The following B4GALT6 variants were observed in gnomAD, a reference collection of about 807,000 sequenced individuals.
B4GALT6 encodes the protein UDP-Gal:beta-GlcNAc beta-1,4-galactosyltransferase 6.
B4GALT6 carries 14 observed loss-of-function variants against 46.3 expected under a neutral mutation model. That is an observed-to-expected ratio of 0.30 (90% CI 0.20 to 0.47). The LOEUF (loss-of-function observed/expected upper bound fraction) is 0.47. Ranked by LOEUF, B4GALT6 falls within the 20% of genes least tolerant of loss-of-function variation. The pLI is 0.99. For synonymous variants in B4GALT6, 168 were observed against 162.0 expected (o/e 1.04, Z -0.28); for missense variants, 386 against 480.1 (o/e 0.80, Z 1.83).
intron 3 of B4GALT6, among the ~76,000 whole-genome samples, chr18:31,647,187 AAAT>A (rs755190994): frequency 1.2e-4 from 18 of 152,380 alleles, no homozygotes; most frequent in Non-Finnish European, 2.6e-4. Context: ...TAATTAGGCT[AAAT>A]AATAAGCAGT....
At chr18:31,630,923 T>TA in intron 6 of B4GALT6, 36 bp downstream of exon 6, 1 of 1,601,754 alleles carries the variant, frequency 6.2e-7, no homozygotes, top group Non-Finnish European at 8.5e-7. Flanking sequence ...TGTGCAATTA[T>TA]ATCGTACAAT....
chr18:31,684,832 C>T (rs2074526816), upstream of B4GALT6: 1 of 934,058 alleles, frequency 1.1e-6, no homozygotes, highest in Non-Finnish European at 1.3e-6. Flanking sequence ...AGAGGGGCAG[C>T]TAACTGCAGC....
intron 1 of B4GALT6, among the ~76,000 whole-genome samples, chr18:31,669,376 C>A (rs1203836463): frequency 6.6e-6 from 1 of 152,192 alleles, no homozygotes; most frequent in Non-Finnish European, 1.5e-5. Flanking sequence ...GCTGCCAGAG[C>A]AAGCACTCCC....
chr18:31,697,165 A>C, the B4GALT6 span, among the ~76,000 whole-genome samples: 21 of 152,250 alleles, frequency 1.4e-4, no homozygotes, highest in African/African-American at 5.1e-4. Flanking sequence ...CCAACTACTC[A>C]GAAGGCTGAG....
intron 5 of B4GALT6, among the ~76,000 whole-genome samples, chr18:31,632,199 G>C (rs2073799795): frequency 6.6e-6 from 1 of 152,100 alleles, no homozygotes; most frequent in Non-Finnish European, 1.5e-5. Flanking sequence ...TGCCTCAAGA[G>C]TGAAAAATTA....
chr18:31,658,043 T>C lies in B4GALT6; in HGVS notation c.279A>G (p.Thr93=). 2 of 1,613,426 alleles carry C rather than the reference T, an allele frequency of 1.2e-6. No individual in the cohort carries two copies. The highest frequency in any genetic ancestry group is 1.7e-6 in the Non-Finnish European group (2 of 1,179,836). Residue 93 remains threonine, a synonymous_variant, in exon 3 of 9, where the codon ACA becomes ACG. Coordinates refer to ENST00000306851, the MANE Select transcript of B4GALT6 (RefSeq NM_004775.5). The part of the protein sequence containing the change: ...NNSSDYLVQT[T]TYLPENFTYS... Reference sequence around the variant, plus strand: ...ATGTGAAGTTTTCCGGGAGATACGTTGTTGTTTGAACAAGATAATCACTTG... The same window carrying C: ...ATGTGAAGTTTTCCGGGAGATACGTCGTTGTTTGAACAAGATAATCACTTG...
At chr18:31,661,354 T>C (rs914105932) in intron 2 of B4GALT6, among the ~76,000 whole-genome samples, 1 of 152,150 alleles carries the variant, frequency 6.6e-6, no homozygotes. Flanking sequence ...GAATAAATTG[T>C]TAGTTCTCTG....
At chr18:31,685,276 G>C (rs1598941946), upstream of B4GALT6, among the ~76,000 whole-genome samples, 2 of 148,064 alleles carry the variant, frequency 1.4e-5, no homozygotes, top group East Asian at 4.2e-4. Flanking sequence ...CGGACACCAG[G>C]CGAAGAGCAA....
intron 3 of B4GALT6, among the ~76,000 whole-genome samples, chr18:31,653,875 G>A (rs1271649015): frequency 2.0e-5 from 3 of 152,076 alleles, no homozygotes; most frequent in East Asian, 1.9e-4. Context: ...GCTGCACAGC[G>A]GCTGTTCATC....
At chr18:31,626,062 C>T (rs574180856) in intron 8 of B4GALT6, among the ~76,000 whole-genome samples, 51 of 152,208 alleles carry the variant, frequency 3.4e-4, no homozygotes, top group African/African-American at 9.9e-4. Flanking sequence ...GGCTCTTTAA[C>T]GTAAATATGT....
At chr18:31,643,006 G>T (rs1346984004) in intron 4 of B4GALT6, among the ~76,000 whole-genome samples, 1 of 152,138 alleles carries the variant, frequency 6.6e-6, no homozygotes, top group Non-Finnish European at 1.5e-5. Flanking sequence ...GAATCAAGTT[G>T]ATGACAGATG....
In B4GALT6 at chr18:31,652,310, G is replaced by A. The variant is rs114156246; in HGVS notation, c.346+5666C>T. ...TTCGTGCTTGCTGTGTTCTCCATTC[G>A]TTTTCTGCACCAAATTCAGTGGCCC... On this transcript the variant is annotated intron_variant, in intron 3 of 8. Coordinates refer to ENST00000306851, the MANE Select transcript of B4GALT6 (RefSeq NM_004775.5). 3.5e-3 allele frequency among the ~76,000 whole-genome samples: 529 copies of A among 152,154 alleles called. 3 individuals are homozygous for A. The highest frequency in any genetic ancestry group is 0.012 in the African/African-American group (490 of 41,486).
intron 3 of B4GALT6, among the ~76,000 whole-genome samples, chr18:31,655,444 G>A (rs918547493): frequency 3.9e-5 from 6 of 152,176 alleles, no homozygotes; most frequent in African/African-American, 1.4e-4. Context: ...GCAGAGAGAA[G>A]GGGCAGTAGT....
At chr18:31,716,581 G>T in the B4GALT6 span, among the ~76,000 whole-genome samples, 1 of 152,182 alleles carries the variant, frequency 6.6e-6, no homozygotes, top group South Asian at 2.1e-4. Flanking sequence ...AGTGGAAGTA[G>T]AGAGAAACCA....
rs1288387203 is a variant in B4GALT6, at chr18:31,623,044, T to C, written c.*2570A>G. On this transcript the variant is annotated 3_prime_UTR_variant, in exon 9 of 9. Transcript: ENST00000306851. Reference sequence around the variant, plus strand: ...CTTCATAATTTCAGAAAGATCTCAATTTGCTTGACTTCATTTGTTTAGAAA... The same window carrying C: ...CTTCATAATTTCAGAAAGATCTCAACTTGCTTGACTTCATTTGTTTAGAAA... The C allele has an allele frequency of 6.6e-6, 1 of 152,058 alleles. No homozygotes were observed. Among genetic ancestry groups the C allele is most frequent in the Non-Finnish European group, 1.5e-5 (1 of 67,924 alleles). 9.4% of individuals were successfully genotyped at this position (152,058 alleles called of 1,614,324 possible).
chr18:31,629,447 A>ATTTTTTTTTTTTTATT (rs2073746913), intron 6 of B4GALT6, among the ~76,000 whole-genome samples: 1 of 32,836 alleles, frequency 3.0e-5, no homozygotes, highest in African/African-American at 9.3e-5. Context: ...GCCCTTTATG[A>ATTTTTTTTTTTTTATT]TTTTTTTTTT....
At chr18:31,665,077 C>T (rs965627889) in intron 2 of B4GALT6, among the ~76,000 whole-genome samples, 1 of 152,136 alleles carries the variant, frequency 6.6e-6, no homozygotes, top group African/African-American at 2.4e-5. Flanking sequence ...AAAACTATCA[C>T]CCACCTTGAC....
chr18:31,643,100 G>A (rs1013056726), intron 4 of B4GALT6, among the ~76,000 whole-genome samples: 3 of 152,148 alleles, frequency 2.0e-5, no homozygotes, highest in African/African-American at 7.2e-5. Context: ...TAAGCAGGCA[G>A]GGACGGGTAG....
At chr18:31,640,302 A>C (rs777596108) in intron 4 of B4GALT6, among the ~76,000 whole-genome samples, 1 of 152,200 alleles carries the variant, frequency 6.6e-6, no homozygotes, top group Non-Finnish European at 1.5e-5. Context: ...TTTTGCACCT[A>C]ATCCTTTTAA....
Sources: allele counts gnomAD v4.1 joint callset (sites outside exome capture counted in the v4.1 genomes callset), GRCh38; gene constraint gnomAD v4.1.1; transcripts MANE v1.5; gene names NCBI Gene and HGNC (gene_info 2026-07-23, HGNC 2026-07-21).